Variants in MCPH1 observed in about 807,000 individuals in gnomAD.
MCPH1 encodes the protein microcephalin 1.
In MCPH1, 104 loss-of-function variants were observed where a neutral mutation model predicts 84.5. The ratio of observed to expected loss-of-function variants is 1.23; its 90% CI spans 1.05 to 1.45. The LOEUF (loss-of-function observed/expected upper bound fraction) is 1.45. MCPH1 is among the 40% of genes most tolerant of loss of function. The pLI, the probability that MCPH1 is intolerant of heterozygous loss-of-function variation, is 0.00. For missense variants in MCPH1, 1,498 were observed against 1,005.7 expected, an observed-to-expected ratio of 1.49 and a Z score of -6.62; for synonymous variants, 514 against 366.8, an observed-to-expected ratio of 1.40 and a Z score of -4.58.
At chr8:6,484,611 A>G (rs1809634795) in intron 11 of MCPH1, among the ~76,000 whole-genome samples, 4 of 152,232 alleles carry the variant, frequency 2.6e-5, no homozygotes, top group Non-Finnish European at 5.9e-5. Flanking sequence ...CTGGACCTGG[A>G]AACAGCACAG....
intron 12 of MCPH1, among the ~76,000 whole-genome samples, chr8:6,596,209 C>T (rs1828913824): frequency 6.6e-6 from 1 of 152,140 alleles, no homozygotes; most frequent in African/African-American, 2.4e-5. Context: ...AGTCTCAGCT[C>T]TGCCACGAAC....
intron 12 of MCPH1, among the ~76,000 whole-genome samples, chr8:6,609,819 G>GCCCCCCCCCCCCCCCCCCCCCCCCC (rs11280683): frequency 9.6e-6 from 1 of 104,020 alleles, no homozygotes; most frequent in Non-Finnish European, 2.3e-5. Context: ...AATGCCCCCC[G>GCCCCCCCCCCCCCCCCCCCCCCCCC]CCCCCCCCCC....
At chr8:6,578,083 C>T (rs771824751) in intron 12 of MCPH1, among the ~76,000 whole-genome samples, 2 of 152,206 alleles carry the variant, frequency 1.3e-5, no homozygotes, top group African/African-American at 4.8e-5. Flanking sequence ...GACGTGTTCT[C>T]TTCTTTCACC....
rs1238777728 is a variant in MCPH1, at chr8:6,455,203, A to T, written c.1886A>T (p.Asp629Val). 1.9e-6 allele frequency: 3 copies of T among 1,613,932 alleles called. No individual in the cohort carries two copies. In the African/African-American group the frequency reaches 4.0e-5, roughly 22 times the overall value. ...VLDDSCDGFKDLIKPHEELKK... is the reference protein window; with the variant it reads ...VLDDSCDGFKVLIKPHEELKK... ...GATGACTCATGTGACGGCTTTAAGGACCTCATCAAACCTCATGAGGAATTG... is the reference window on the plus strand; with the variant it reads ...GATGACTCATGTGACGGCTTTAAGGTCCTCATCAAACCTCATGAGGAATTG... Residue 629 changes from aspartate to valine, a missense_variant, in exon 9 of 14, where the codon GAC becomes GTC. Asp to Val is a radical substitution (Grantham distance 152). Transcript: ENST00000344683.
chr8:6,423,720 G>A (rs1025905002), intron 3 of MCPH1, among the ~76,000 whole-genome samples: 1 of 152,076 alleles, frequency 6.6e-6, no homozygotes, highest in East Asian at 1.9e-4. Context: ...AAAGTGGGCT[G>A]TTCATTTCTG....
At chr8:6,425,143 C>T (rs547724856) in intron 3 of MCPH1, among the ~76,000 whole-genome samples, 4 of 152,260 alleles carry the variant, frequency 2.6e-5, no homozygotes, top group East Asian at 3.9e-4. Context: ...TGGAGTGAAT[C>T]GGCTCTCTGG....
chr8:6,562,619 C>G (rs533029082), intron 12 of MCPH1: 2 of 1,242,762 alleles, frequency 1.6e-6, no homozygotes, highest in Non-Finnish European at 2.1e-6. Flanking sequence ...ATAGCATGTT[C>G]ACAAAGACAG....
chr8:6,509,313 C>A (rs1814457946), intron 12 of MCPH1, among the ~76,000 whole-genome samples: 1 of 152,206 alleles, frequency 6.6e-6, no homozygotes, highest in African/African-American at 2.4e-5. Flanking sequence ...TCAGAAGCGA[C>A]TGTAGAGCCC....
chr8:6,511,265 G>A (rs1222287776), intron 12 of MCPH1, among the ~76,000 whole-genome samples: 1 of 150,692 alleles, frequency 6.6e-6, no homozygotes, highest in African/African-American at 2.4e-5. Flanking sequence ...CGTTCTTGAA[G>A]TTGCTTTACA....
chr8:6,471,013 G>GT (rs1467976693), intron 9 of MCPH1, among the ~76,000 whole-genome samples: 2 of 152,216 alleles, frequency 1.3e-5, no homozygotes, highest in Non-Finnish European at 2.9e-5. Context: ...GGCTGCTACA[G>GT]TTTAAGTATC....
intron 12 of MCPH1, among the ~76,000 whole-genome samples, chr8:6,601,657 C>G (rs949054659): frequency 6.6e-6 from 1 of 151,348 alleles, no homozygotes; most frequent in Admixed American, 6.6e-5. Context: ...ACACACAACA[C>G]AGACATTAAA....
At chr8:6,422,693 C>A (rs1180074482) in intron 3 of MCPH1, among the ~76,000 whole-genome samples, 2 of 152,150 alleles carry the variant, frequency 1.3e-5, no homozygotes, top group African/African-American at 4.8e-5. Flanking sequence ...GCAAAGTTTT[C>A]TTTTTCTTTT....
At chr8:6,437,882 C>A (rs1802907729) in intron 5 of MCPH1, among the ~76,000 whole-genome samples, 1 of 152,228 alleles carries the variant, frequency 6.6e-6, no homozygotes, top group African/African-American at 2.4e-5. Flanking sequence ...ACTGCAGCCA[C>A]TCCTTACGCT....
chr8:6,542,734 G>C (rs761808133), intron 12 of MCPH1, among the ~76,000 whole-genome samples: 5 of 152,054 alleles, frequency 3.3e-5, no homozygotes, highest in African/African-American at 7.3e-5. Flanking sequence ...TGTTACATGG[G>C]TTTGCCAAAA....
chr8:6,485,085 T>C (rs561801886), intron 11 of MCPH1, among the ~76,000 whole-genome samples: 2 of 152,260 alleles, frequency 1.3e-5, no homozygotes, highest in South Asian at 2.1e-4. Flanking sequence ...CCAGCACTTT[T>C]GGAGGCCGAG....
At chr8:6,551,946 T>C (rs1823722946) in intron 12 of MCPH1, among the ~76,000 whole-genome samples, 2 of 152,202 alleles carry the variant, frequency 1.3e-5, no homozygotes, top group African/African-American at 4.8e-5. Context: ...GACTACGCAG[T>C]CTAATAAAAC....
At chr8:6,605,940 AC>A (rs1287154029) in intron 12 of MCPH1, among the ~76,000 whole-genome samples, 1 of 151,452 alleles carries the variant, frequency 6.6e-6, no homozygotes, top group African/African-American at 2.4e-5. Context: ...CAAGTGATCT[AC>A]CCCCCTTGGC....
chr8:6,412,193 G>A (rs1314787744), intron 2 of MCPH1, among the ~76,000 whole-genome samples: 1 of 152,178 alleles, frequency 6.6e-6, no homozygotes, highest in Non-Finnish European at 1.5e-5. Context: ...TGCACTGCAG[G>A]AGGGGAGACA....
intron 12 of MCPH1, among the ~76,000 whole-genome samples, chr8:6,534,405 A>G (rs966419403): frequency 2.0e-5 from 3 of 152,106 alleles, no homozygotes; most frequent in Admixed American, 6.5e-5. Context: ...GGATTTTGGT[A>G]TTCTCGGGAA....
Sources: gnomAD v4.1 joint callset for allele counts (sites outside exome capture counted in the v4.1 genomes callset) on GRCh38, gnomAD v4.1.1 for gene constraint, MANE v1.5 for transcripts, NCBI Gene and HGNC (gene_info 2026-07-23, HGNC 2026-07-21) for gene names.